The following ZNF841 variants were observed in gnomAD, a reference collection of about 807,000 sequenced individuals.
ZNF841 encodes TCONS_00006091.
Under a neutral mutation model 13.0 loss-of-function variants are expected in ZNF841, and 11 were observed. The ratio of observed to expected loss-of-function variants is 0.85; its 90% CI spans 0.53 to 1.40. ZNF841 has a LOEUF of 1.40. Ranked by LOEUF, ZNF841 falls within the 40% of genes most tolerant of loss-of-function variation. The pLI is 0.00. For synonymous variants in ZNF841, 369 were observed against 381.6 expected (o/e 0.97, Z 0.38); for missense variants, 1,068 against 1,139.5 (o/e 0.94, Z 0.90).
intron 1 of ZNF841, among the ~76,000 whole-genome samples, 190 bp downstream of exon 1, chr19:52,095,385 G>A (rs143871765): frequency 6.6e-6 from 1 of 152,152 alleles, no homozygotes; most frequent in Non-Finnish European, 1.5e-5. Flanking sequence ...GGAGGAGCTC[G>A]GGGATCGCGA....
chr19:52,071,841 T>G (rs1165631139), intron 6 of ZNF841, among the ~76,000 whole-genome samples: 1 of 152,188 alleles, frequency 6.6e-6, no homozygotes, highest in East Asian at 1.9e-4. Flanking sequence ...GCAATATAAG[T>G]CCTTTTCTAT....
intron 6 of ZNF841, 133 bp downstream of exon 6, chr19:52,075,911 T>A: frequency 7.9e-7 from 1 of 1,271,580 alleles, no homozygotes; most frequent in South Asian, 1.5e-5. Flanking sequence ...AGCAAAGTGA[T>A]AAGCAGGAAA....
chr19:52,086,862 C>A (rs1041816777), intron 3 of ZNF841, among the ~76,000 whole-genome samples: 1 of 152,156 alleles, frequency 6.6e-6, no homozygotes, highest in Non-Finnish European at 1.5e-5. Flanking sequence ...ATAAAGTTAT[C>A]AGTGGAATGG....
chr19:52,079,382 T>A (rs557463922), intron 4 of ZNF841, among the ~76,000 whole-genome samples: 1 of 149,670 alleles, frequency 6.7e-6, no homozygotes, highest in South Asian at 2.1e-4. Flanking sequence ...CAGTATATGC[T>A]TGCATAAATT....
intron 3 of ZNF841, among the ~76,000 whole-genome samples, chr19:52,087,073 CTG>C (rs2088299952): frequency 6.6e-6 from 1 of 152,164 alleles, no homozygotes; most frequent in African/African-American, 2.4e-5. Flanking sequence ...GCTTTAGGGT[CTG>C]TGTGTGTGCA....
chr19:52,092,770 G>C (rs561919338), intron 2 of ZNF841, among the ~76,000 whole-genome samples: 11 of 152,192 alleles, frequency 7.2e-5, no homozygotes, highest in Non-Finnish European at 1.3e-4. Flanking sequence ...CCAGTAGTTA[G>C]AGATCATGCT....
chr19:52,082,166 T>C (rs2088120951), intron 4 of ZNF841, among the ~76,000 whole-genome samples: 1 of 152,186 alleles, frequency 6.6e-6, no homozygotes, highest in African/African-American at 2.4e-5. Context: ...ATAATAAAGA[T>C]ATGATCACTG....
At position 52,067,959 on chromosome 19, in the gene ZNF841, A is replaced by T. The variant is rs561326533; in HGVS notation, c.272-349T>A. On this transcript the variant is annotated intron_variant, in intron 6 of 6. Coordinates refer to ENST00000594440, the MANE Select transcript of ZNF841 (RefSeq NM_001136499.2). ...ACATATGGCTCCCTCATAATAGGAG[A>T]GAAAAAAAGTTACATATATTTATTT... 2.6e-5 allele frequency among the ~76,000 whole-genome samples: 4 copies of T among 152,308 alleles called. No homozygotes were observed. The South Asian group carries it at 8.3e-4, about 32-fold the overall frequency.
chr19:52,061,576 T>C (rs1163834304), downstream of ZNF841, among the ~76,000 whole-genome samples: 1 of 152,124 alleles, frequency 6.6e-6, no homozygotes, highest in East Asian at 1.9e-4. Flanking sequence ...GACAGAGTTT[T>C]GCTCTCATCG....
chr19:52,065,837 T>C lies in ZNF841; in HGVS notation c.2045A>G (p.His682Arg). The C allele has an allele frequency of 6.2e-7, 1 of 1,613,874 alleles. No individual in the cohort carries two copies. Among genetic ancestry groups the C allele is most frequent in the Non-Finnish European group, 8.5e-7 (1 of 1,179,812 alleles). The change falls in exon 7 of 7, where the codon CAC becomes CGC. Residue 682 changes from histidine (H) to arginine (R), a missense_variant. Coordinates refer to ENST00000594440, the MANE Select transcript of ZNF841 (RefSeq NM_001136499.2). ...LVIHTGENPY[H>R]CNEFGEAFIQ... is the part of the protein sequence containing the mutation. ...AAAAGCCTCACCAAATTCATTACAG[T>C]GGTAAGGGTTCTCTCCAGTATGAAT...
the ZNF841 span, among the ~76,000 whole-genome samples, chr19:52,059,390 T>TAC: frequency 0.025 from 2,401 of 95,920 alleles, 76 homozygotes; most frequent in African/African-American, 0.047. Context: ...TATATATATA[T>TAC]ACACACACAC....
chr19:52,080,537 C>T (rs1003015010), intron 4 of ZNF841, among the ~76,000 whole-genome samples: 2 of 152,160 alleles, frequency 1.3e-5, no homozygotes, highest in African/African-American at 4.8e-5. Flanking sequence ...AGATGACCAA[C>T]TGATGGGCTG....
downstream of ZNF841, among the ~76,000 whole-genome samples, chr19:52,059,593 T>TAA (rs2087364640): frequency 6.6e-6 from 1 of 151,702 alleles, no homozygotes; most frequent in African/African-American, 2.4e-5. Context: ...AACATGCTAA[T>TAA]TATACCTTAA....
At chr19:52,070,716 T>G (rs571712268) in intron 6 of ZNF841, among the ~76,000 whole-genome samples, 2 of 152,356 alleles carry the variant, frequency 1.3e-5, no homozygotes, top group African/African-American at 4.8e-5. Flanking sequence ...AAAGCATTAT[T>G]CAGCCATCCG....
At chr19:52,091,622 T>C (rs925686380) in intron 2 of ZNF841, among the ~76,000 whole-genome samples, 1 of 152,174 alleles carries the variant, frequency 6.6e-6, no homozygotes, top group Non-Finnish European at 1.5e-5. Flanking sequence ...TCGGGAAAAC[T>C]GTATATTCAC....
Position 52,066,284 on chromosome 19 carries a change from C to A in ZNF841, c.1598G>T (p.Arg533Ile), listed in dbSNP as rs765401256. The A allele has an allele frequency of 1.1e-4, 170 of 1,613,708 alleles. No homozygotes were observed. The highest frequency in any genetic ancestry group is 1.4e-4 in the Non-Finnish European group (161 of 1,179,826). ...NWGSLLTVHQ[R>I]IHTGEKPYKC... ...GTAAGGTTTCTCTCCGGTATGAATT[C>A]TCTGATGTACAGTTAGTAATGAGCC... is the stretch of plus-strand genomic sequence containing the variant. Residue 533 changes from arginine (R) to isoleucine (I), a missense_variant, in exon 7 of 7, where the codon AGA becomes ATA. Physicochemically the swap from Arg to Ile is moderately conservative, Grantham distance 97. Coordinates refer to ENST00000594440, the MANE Select transcript of ZNF841 (RefSeq NM_001136499.2).
chr19:52,087,340 A>AT (rs2088307381), intron 3 of ZNF841, among the ~76,000 whole-genome samples: 1 of 151,866 alleles, frequency 6.6e-6, no homozygotes, highest in Admixed American at 6.6e-5. Context: ...TTCATAAGTT[A>AT]TTTTTCCTGA....
intron 3 of ZNF841, among the ~76,000 whole-genome samples, chr19:52,085,373 C>T (rs190073393): frequency 8.5e-5 from 13 of 152,316 alleles, no homozygotes; most frequent in South Asian, 4.1e-4. Flanking sequence ...TGCCTCAGCA[C>T]GCTAATGTGA....
chr19:52,065,978 C>A lies in ZNF841; in HGVS notation c.1904G>T (p.Ser635Ile), dbSNP rs1482124553. The A allele has an allele frequency of 1.2e-6, 2 of 1,613,502 alleles. No individual in the cohort carries two copies. The highest frequency in any genetic ancestry group is 2.7e-5 in the African/African-American group (2 of 74,742). Residue 635 changes from serine to isoleucine, a missense_variant, in exon 7 of 7, where the codon AGT (serine) becomes ATT (isoleucine). By Grantham distance (142) the Ser-to-Ile change is moderately radical. Transcript: ENST00000594440. The part of the protein sequence containing the change: ...FQCNECGKVF[S>I]YYSCLARHRK... ...ATGACGTGCTAGGCATGAGTAGTAA[C>A]TGAAGACCTTGCCGCATTCGTTACA...
Sources: gnomAD v4.1 joint callset for allele counts (sites outside exome capture counted in the v4.1 genomes callset) on GRCh38, gnomAD v4.1.1 for gene constraint, MANE v1.5 for transcripts, NCBI Gene and HGNC (gene_info 2026-07-23, HGNC 2026-07-21) for gene names.